The following SNX29 variants were observed in gnomAD, a reference collection of about 807,000 sequenced individuals.
SNX29 encodes the protein sorting nexin-29.
Under a neutral mutation model 102.1 loss-of-function variants are expected in SNX29, and 78 were observed. The observed-to-expected ratio is 0.76, with a 90% CI of 0.64 to 0.92. The LOEUF (loss-of-function observed/expected upper bound fraction) is 0.92. SNX29 is among the 40% of genes least tolerant of loss of function. The probability of loss-of-function intolerance (pLI) is 0.00; values close to 1 mark genes in which losing one functional copy is unlikely to be tolerated. For missense variants in SNX29, 1,280 were observed against 1,061.7 expected (o/e 1.21, Z -2.86); for synonymous variants, 580 against 414.5 (o/e 1.40, Z -4.85).
intron 13 of SNX29, among the ~76,000 whole-genome samples, chr16:12,162,292 T>C (rs1223806827): frequency 6.6e-6 from 1 of 152,216 alleles, no homozygotes; most frequent in African/African-American, 2.4e-5. Context: ...CCTAGTACCA[T>C]GCGTCATTTT....
At chr16:12,162,241 G>A (rs1251651655) in intron 13 of SNX29, among the ~76,000 whole-genome samples, 10 of 152,132 alleles carry the variant, frequency 6.6e-5, no homozygotes, top group African/African-American at 2.4e-5. Flanking sequence ...ACATGTCAGC[G>A]CCTCCGAGGG....
chr16:12,513,689 A>C (rs117743152), intron 19 of SNX29, among the ~76,000 whole-genome samples: 2,731 of 152,308 alleles, frequency 0.018, 54 homozygotes, highest in Non-Finnish European at 0.03. Context: ...TCCCAGTATA[A>C]AGATTAGAAC....
At chr16:12,248,139 C>T (rs1240724213) in intron 14 of SNX29, among the ~76,000 whole-genome samples, 1 of 152,196 alleles carries the variant, frequency 6.6e-6, no homozygotes, top group East Asian at 1.9e-4. Context: ...GAAGTTGGCT[C>T]ATGTCACTGT....
At chr16:12,012,311 G>A (rs2056680924) in intron 3 of SNX29, among the ~76,000 whole-genome samples, 2 of 126,598 alleles carry the variant, frequency 1.6e-5, no homozygotes, top group African/African-American at 5.5e-5. Flanking sequence ...ATGAATGAGT[G>A]TTGTTTGGTT....
chr16:12,334,347 G>A (rs537026629), intron 15 of SNX29, among the ~76,000 whole-genome samples: 31 of 152,258 alleles, frequency 2.0e-4, no homozygotes, highest in Non-Finnish European at 4.3e-4. Context: ...CTGGGGCTTC[G>A]CTTTTGTGAA....
chr16:12,312,458 C>T (rs373185760), intron 15 of SNX29, among the ~76,000 whole-genome samples: 2 of 152,092 alleles, frequency 1.3e-5, no homozygotes, highest in Non-Finnish European at 2.9e-5. Flanking sequence ...AAACCCTGTT[C>T]GTCTGCAGGA....
rs1040250445 is a variant in SNX29, at chr16:12,439,722, C to T, written c.2037+36193C>T. ...AGATGAGATTGGGGTGGGGACACAG[C>T]TAAACCATACCAGTCACATACTAGC... On this transcript the variant is annotated intron_variant, in intron 18 of 20. Transcript: ENST00000566228. 4.6e-5 allele frequency among the ~76,000 whole-genome samples: 7 copies of T among 152,192 alleles called. No individual in the cohort carries two copies. The South Asian group carries it at 6.2e-4, about 14-fold the overall frequency.
intron 20 of SNX29, among the ~76,000 whole-genome samples, chr16:12,540,414 C>A (rs1173192656): frequency 3.3e-5 from 5 of 152,206 alleles, no homozygotes; most frequent in African/African-American, 1.2e-4. Context: ...CTAAAAACTA[C>A]AGATTTATTC....
intron 20 of SNX29, among the ~76,000 whole-genome samples, chr16:12,558,810 C>T (rs77388746): frequency 0.012 from 1,892 of 152,308 alleles, 35 homozygotes; most frequent in African/African-American, 0.042. Context: ...CTGATAAGGG[C>T]TCCCTAGGGG....
Position 12,278,033 on chromosome 16 carries a change from C to G in SNX29, c.1779C>G (p.Ile593Met). 1 of 1,596,122 alleles carries G rather than the reference C, an allele frequency of 6.3e-7. No homozygotes were observed. ...CAAGCTCCTACGAAAGAAAGCTCAT[C>G]GAGGTAAGGCCGGTGGAGTCTGTGT... ...ELASSYERKL[I>M]EVAEMHGELI... Residue 593 changes from isoleucine (I) to methionine (M), a missense_variant, in exon 15 of 21, where the codon ATC (isoleucine) becomes ATG (methionine). Transcript: ENST00000566228.
intron 18 of SNX29, among the ~76,000 whole-genome samples, chr16:12,465,678 A>G (rs2087017910): frequency 1.3e-5 from 2 of 152,294 alleles, no homozygotes; most frequent in African/African-American, 2.4e-5. Context: ...TGCTTTGGCT[A>G]TTCAAGGTCT....
At chr16:12,248,731 G>A (rs1420017369) in intron 14 of SNX29, among the ~76,000 whole-genome samples, 1 of 151,840 alleles carries the variant, frequency 6.6e-6, no homozygotes, top group Non-Finnish European at 1.5e-5. Flanking sequence ...CTGCTTAAAT[G>A]TCACTTTATC....
chr16:11,984,383 A>AAAAG (rs1555512344), intron 1 of SNX29, among the ~76,000 whole-genome samples: 43 of 145,080 alleles, frequency 3.0e-4, no homozygotes, highest in Admixed American at 3.5e-4. Context: ...TCAAAAAAAA[A>AAAAG]AAAAGAAAAG....
intron 14 of SNX29, among the ~76,000 whole-genome samples, chr16:12,211,515 C>G (rs796096399): frequency 1.3e-5 from 2 of 152,228 alleles, no homozygotes; most frequent in African/African-American, 2.4e-5. Context: ...TGCTGAAGCT[C>G]ACTGTATTAG....
chr16:12,198,282 C>T (rs138987655), intron 13 of SNX29, among the ~76,000 whole-genome samples: 54 of 152,134 alleles, frequency 3.5e-4, no homozygotes, highest in Middle Eastern at 3.4e-3. Flanking sequence ...AAAATTAAAG[C>T]ATTGTGAAGG....
chr16:12,287,676 T>A (rs966681139), intron 15 of SNX29, among the ~76,000 whole-genome samples: 1 of 152,232 alleles, frequency 6.6e-6, no homozygotes, highest in African/African-American at 2.4e-5. Context: ...TCCTTAGTAT[T>A]GTCAAATATC....
At position 12,572,779 on chromosome 16, in the gene SNX29, C is replaced by G. The variant is rs115620406; in HGVS notation, c.*4150C>G. The G allele has an allele frequency of 1.9e-3, 1,995 of 1,063,822 alleles. 24 individuals carry two copies. The African/African-American group carries it at 0.03, about 16-fold the overall frequency. 65.9% of individuals were successfully genotyped at this position (1,063,822 alleles called of 1,614,324 possible). ...TTCTGGGACCCGAGGAAGACCCCAC[C>G]TCACTCCTCCTTCCCCAGTACATCA... On this transcript the variant is annotated 3_prime_UTR_variant, in exon 21 of 21. Coordinates refer to ENST00000566228, the MANE Select transcript of SNX29 (RefSeq NM_032167.5).
intron 3 of SNX29, among the ~76,000 whole-genome samples, chr16:12,007,481 A>C (rs2056494784): frequency 6.6e-6 from 1 of 152,218 alleles, no homozygotes. Context: ...ATGCAGCCTG[A>C]GTGAGAGAGT....
At position 12,051,552 on chromosome 16, in the gene SNX29, G is replaced by C. The variant is rs147413342; in HGVS notation, c.749-295G>C. Reference sequence around the variant, plus strand: ...AGAATATTTTCCAAAGTGAAGCATTGAAGATCATTTTGGTAATGGTAGCAT... The same window carrying C: ...AGAATATTTTCCAAAGTGAAGCATTCAAGATCATTTTGGTAATGGTAGCAT... On this transcript the variant is annotated intron_variant, in intron 7 of 20. Coordinates refer to ENST00000566228, the MANE Select transcript of SNX29 (RefSeq NM_032167.5). Among the ~76,000 whole-genome samples, 459 of 152,292 alleles carry C rather than the reference G, an allele frequency of 3.0e-3. 5 individuals carry two copies. The highest frequency in any genetic ancestry group is 0.011 in the African/African-American group (441 of 41,562).
Sources: allele counts gnomAD v4.1 joint callset (sites outside exome capture counted in the v4.1 genomes callset), GRCh38; gene constraint gnomAD v4.1.1; transcripts MANE v1.5; gene names NCBI Gene and HGNC (gene_info 2026-07-23, HGNC 2026-07-21).